Variants in NRIP1 observed in about 807,000 individuals in gnomAD.
NRIP1 encodes nuclear receptor interacting protein 1, also known as nuclear receptor-interacting protein 1.
A neutral mutation model predicts 75.0 loss-of-function variants in NRIP1; 28 were observed. That is an observed-to-expected ratio of 0.37 (90% CI 0.28 to 0.51). The LOEUF (loss-of-function observed/expected upper bound fraction) is 0.51, where lower values mean the gene tolerates loss of function less well. Among genes scored for constraint, NRIP1 ranks in the 20% least tolerant of loss-of-function variants. NRIP1 has a pLI of 0.92. For missense variants in NRIP1, 1,435 were observed against 1,343.7 expected (o/e 1.07, Z -1.06); for synonymous variants, 526 against 487.6 (o/e 1.08, Z -1.04).
chr21:14,997,194 G>A (rs1208059677), intron 3 of NRIP1, among the ~76,000 whole-genome samples: 2 of 152,106 alleles, frequency 1.3e-5, no homozygotes, highest in African/African-American at 4.8e-5. Flanking sequence ...AACTATGAGT[G>A]ATATTTGAAG....
intron 3 of NRIP1, among the ~76,000 whole-genome samples, chr21:15,005,955 G>T (rs2087961711): frequency 6.6e-6 from 1 of 152,004 alleles, no homozygotes; most frequent in African/African-American, 2.4e-5. Flanking sequence ...GTATCTTTCA[G>T]ATTTGTAGCA....
intron 2 of NRIP1, among the ~76,000 whole-genome samples, chr21:15,029,638 C>T (rs1008041537): frequency 5.3e-5 from 8 of 152,044 alleles, no homozygotes; most frequent in African/African-American, 9.6e-5. Flanking sequence ...GAAGAATAAC[C>T]GAAATACAGC....
chr21:15,041,771 T>C (rs750982275), intron 2 of NRIP1, among the ~76,000 whole-genome samples: 8 of 152,274 alleles, frequency 5.3e-5, no homozygotes, highest in South Asian at 4.1e-4. Flanking sequence ...TTATACGAAA[T>C]ATTTATAATA....
chr21:14,987,363 A>G (rs1263744198), intron 3 of NRIP1, among the ~76,000 whole-genome samples: 3 of 152,134 alleles, frequency 2.0e-5, no homozygotes, highest in South Asian at 2.1e-4. Context: ...ACTGAGCTAT[A>G]ATCTGTTGAG....
Position 15,064,726 on chromosome 21 carries a change from G to C in NRIP1, c.-538+19C>G, listed in dbSNP as rs1160964304. ...CGGCGGCCGCTACTCCTGGCGCCCT[G>C]GCCGCGGCCGTCACTCACCCCAGGC... On this transcript the variant is annotated intron_variant, in intron 1 of 3. Transcript: ENST00000318948. The C allele has an allele frequency of 6.7e-6, 1 of 149,614 alleles. No individual in the cohort carries two copies. The highest frequency in any genetic ancestry group is 2.4e-5 in the African/African-American group (1 of 41,160). The allele number at this position is 149,614 out of a possible 1,614,324, so 9.3% of individuals were successfully genotyped here.
At chr21:15,064,356 G>A (rs913640501) in intron 1 of NRIP1, among the ~76,000 whole-genome samples, 1 of 152,240 alleles carries the variant, frequency 6.6e-6, no homozygotes, top group Non-Finnish European at 1.5e-5. Context: ...CTGGACAGCA[G>A]GACGGAGAGC....
chr21:14,998,525 A>T (rs1246346874), intron 3 of NRIP1, among the ~76,000 whole-genome samples: 21 of 152,194 alleles, frequency 1.4e-4, no homozygotes, highest in Non-Finnish European at 8.8e-5. Flanking sequence ...ATGTCAACAG[A>T]CTATATAACG....
chr21:15,014,972 C>T (rs373859376), intron 2 of NRIP1, among the ~76,000 whole-genome samples: 1 of 152,098 alleles, frequency 6.6e-6, no homozygotes, highest in African/African-American at 2.4e-5. Context: ...CACAACAATG[C>T]CCAAAGTAGA....
chr21:14,970,402 C>T (rs1303649800), intron 3 of NRIP1, among the ~76,000 whole-genome samples: 2 of 151,934 alleles, frequency 1.3e-5, no homozygotes, highest in African/African-American at 2.4e-5. Context: ...AAAAATTAGC[C>T]GGGTATGGTG....
chr21:15,065,021 C>G (rs1338983566), upstream of NRIP1: 1 of 154,208 alleles, frequency 6.5e-6, no homozygotes, highest in Non-Finnish European at 1.4e-5. Flanking sequence ...CTTTGAGCGC[C>G]TCGCTCACCG....
chr21:15,036,588 GT>G (rs2088837561), intron 2 of NRIP1, among the ~76,000 whole-genome samples: 1 of 147,442 alleles, frequency 6.8e-6, no homozygotes, highest in African/African-American at 2.5e-5. Context: ...GATTTTGGGG[GT>G]TTTTTTGGAG....
intron 1 of NRIP1, chr21:15,050,266 C>A: frequency 5.9e-6 from 1 of 170,566 alleles, no homozygotes. Flanking sequence ...TTCCAATGTT[C>A]TTGGCTACAT....
At chr21:15,016,801 T>C (rs750611242) in intron 2 of NRIP1, among the ~76,000 whole-genome samples, 1 of 151,286 alleles carries the variant, frequency 6.6e-6, no homozygotes, top group African/African-American at 2.4e-5. Context: ...AGGAGAATGG[T>C]GTGAACCTGG....
intron 3 of NRIP1, among the ~76,000 whole-genome samples, chr21:14,997,629 C>T (rs950366685): frequency 1.5e-4 from 22 of 151,220 alleles, no homozygotes; most frequent in Admixed American, 3.3e-4. Flanking sequence ...TAATCTTACA[C>T]GTAGACACAC....
intron 2 of NRIP1, among the ~76,000 whole-genome samples, chr21:15,022,927 A>T (rs1241324345): frequency 2.6e-5 from 4 of 152,272 alleles, no homozygotes; most frequent in African/African-American, 9.6e-5. Flanking sequence ...GACACATGCT[A>T]CAACATAGTC....
At chr21:14,992,910 A>C (rs1221269662) in intron 3 of NRIP1, 1 of 152,972 alleles carries the variant, frequency 6.5e-6, no homozygotes, top group Non-Finnish European at 1.5e-5. Context: ...TTAAAATCTA[A>C]ATATCAGAAC....
intron 1 of NRIP1, among the ~76,000 whole-genome samples, chr21:15,059,221 C>T (rs2142219): frequency 0.12 from 18,697 of 152,150 alleles, 1,297 homozygotes; most frequent in East Asian, 0.32. Flanking sequence ...TATTGGAACT[C>T]CGAGCTTAGT....
chr21:14,972,693 G>A lies in NRIP1; in HGVS notation c.-334-4167C>T, dbSNP rs374878188. ...CCCAACCTTTTTGGCACCAGAGACT[G>A]GTTTCATGGAAGATAATTTTTGCAT... On this transcript the variant is annotated intron_variant, in intron 3 of 3. Coordinates refer to ENST00000318948, the MANE Select transcript of NRIP1 (RefSeq NM_003489.4). Among the ~76,000 whole-genome samples, 9 of 152,176 alleles carry A rather than the reference G, an allele frequency of 5.9e-5. No homozygotes were observed. In the East Asian group the frequency reaches 9.6e-4, roughly 16 times the overall value.
intron 3 of NRIP1, among the ~76,000 whole-genome samples, chr21:14,977,418 A>C (rs1258955844): frequency 6.6e-6 from 1 of 152,226 alleles, no homozygotes; most frequent in Non-Finnish European, 1.5e-5. Context: ...TTTTATCCGA[A>C]GGGATGAAAG....
Sources: gnomAD v4.1 joint callset for allele counts (sites outside exome capture counted in the v4.1 genomes callset) on GRCh38, gnomAD v4.1.1 for gene constraint, MANE v1.5 for transcripts, NCBI Gene and HGNC (gene_info 2026-07-23, HGNC 2026-07-21) for gene names.